Variants in NAV2 observed in about 807,000 individuals in gnomAD.
The protein encoded by NAV2 is helicase, APC down-regulated 1.
A neutral mutation model predicts 223.2 loss-of-function variants in NAV2; 54 were observed. The observed-to-expected ratio is 0.24, with a 90% CI of 0.19 to 0.30. The LOEUF (loss-of-function observed/expected upper bound fraction) is 0.30. Among genes scored for constraint, NAV2 ranks in the 10% least tolerant of loss-of-function variants. The pLI, the probability that NAV2 is intolerant of heterozygous loss-of-function variation, is 1.00. For synonymous variants in NAV2, 1,279 were observed against 1,239.3 expected, an observed-to-expected ratio of 1.03 and a Z score of -0.67; for missense variants, 2,806 against 3,147.5, an observed-to-expected ratio of 0.89 and a Z score of 2.60.
intron 1 of NAV2, among the ~76,000 whole-genome samples, chr11:19,618,382 ATGGATGGATGG>A (rs2046865603): frequency 2.0e-5 from 2 of 101,402 alleles, no homozygotes; most frequent in African/African-American, 4.0e-5. Flanking sequence ...GGATGGATGG[ATGGATGGATGG>A]ATGAATAGAT....
intron 1 of NAV2, chr11:19,778,124 C>T (rs1469434924): frequency 2.6e-6 from 1 of 390,602 alleles, no homozygotes; most frequent in Non-Finnish European, 5.1e-6. Flanking sequence ...CCCGGGAGAG[C>T]TGAGGATAGC....
chr11:19,528,464 G>A (rs2043912757), intron 1 of NAV2, among the ~76,000 whole-genome samples: 1 of 152,094 alleles, frequency 6.6e-6, no homozygotes, highest in Admixed American at 6.5e-5. Flanking sequence ...CACACTGTCT[G>A]ACTTCCAAAG....
At chr11:19,696,135 C>T (rs953939443) in intron 1 of NAV2, among the ~76,000 whole-genome samples, 3 of 151,276 alleles carry the variant, frequency 2.0e-5, no homozygotes, top group Non-Finnish European at 2.9e-5. Context: ...CTGGTTTTTT[C>T]GGCAGCCTAC....
chr11:20,023,474 C>G (rs918790984), intron 11 of NAV2, among the ~76,000 whole-genome samples: 1 of 152,046 alleles, frequency 6.6e-6, no homozygotes, highest in Non-Finnish European at 1.5e-5. Context: ...CTACTGAGCC[C>G]GAAAATCTGG....
At chr11:19,414,350 G>A (rs1326174000) in intron 1 of NAV2, among the ~76,000 whole-genome samples, 2 of 151,932 alleles carry the variant, frequency 1.3e-5, no homozygotes, top group Non-Finnish European at 2.9e-5. Flanking sequence ...GAGAAAGAAG[G>A]GCATTACATA....
intron 1 of NAV2, among the ~76,000 whole-genome samples, chr11:19,692,408 A>C (rs1245752716): frequency 6.6e-6 from 1 of 152,234 alleles, no homozygotes; most frequent in Non-Finnish European, 1.5e-5. Flanking sequence ...TTGTAGCTTG[A>C]CGCTACCTAA....
Position 19,477,319 on chromosome 11 carries a change from C to T in NAV2, c.75+126292C>T, listed in dbSNP as rs139702677. Reference sequence around the variant, plus strand: ...TTTGCCACTTACATTACACCAAAACCTCCTAGAAGGCAGGGAGCTGCACTG... The same window carrying T: ...TTTGCCACTTACATTACACCAAAACTTCCTAGAAGGCAGGGAGCTGCACTG... On this transcript the variant is annotated intron_variant, in intron 1 of 37. Transcript: ENST00000360655. 8.5e-3 allele frequency among the ~76,000 whole-genome samples: 1,294 copies of T among 152,312 alleles called. 21 individuals carry two copies. The highest frequency in any genetic ancestry group is 0.03 in the African/African-American group (1,235 of 41,564).
intron 1 of NAV2, among the ~76,000 whole-genome samples, chr11:19,574,942 C>T (rs901570): frequency 0.99 from 150,583 of 152,238 alleles, 74,496 homozygotes; most frequent in Middle Eastern, 1. Flanking sequence ...GGTTTCCTGC[C>T]GAGGAAATAG....
intron 6 of NAV2, among the ~76,000 whole-genome samples, chr11:19,893,722 G>A (rs959938183): frequency 9.2e-5 from 14 of 152,254 alleles, no homozygotes; most frequent in East Asian, 7.7e-4. Context: ...TGGCACTAAC[G>A]CCATCACCAG....
At chr11:19,957,573 C>T (rs113428782) in intron 10 of NAV2, among the ~76,000 whole-genome samples, 2 of 152,312 alleles carry the variant, frequency 1.3e-5, no homozygotes, top group African/African-American at 2.4e-5. Flanking sequence ...CTGAACACCT[C>T]TTCTCCCTCC....
intron 1 of NAV2, among the ~76,000 whole-genome samples, chr11:19,761,822 G>A (rs570232966): frequency 2.0e-5 from 3 of 152,200 alleles, no homozygotes; most frequent in South Asian, 2.1e-4. Context: ...TCATGCTCCC[G>A]GTTTTCTCCT....
At position 20,118,113 on chromosome 11, in the gene NAV2, C is replaced by G. The variant is rs2063284506; in HGVS notation, c.7165-20C>G. 1 of 1,593,786 alleles carries G rather than the reference C, an allele frequency of 6.3e-7. No individual in the cohort carries two copies. The highest frequency in any genetic ancestry group is 1.7e-5 in the Admixed American group (1 of 59,372). On this transcript the variant is annotated intron_variant, in intron 37 of 37. Coordinates refer to ENST00000349880, the MANE Select transcript of NAV2 (RefSeq NM_145117.5). The stretch of plus-strand genomic sequence containing the variant: ...CCAACTAGACAGAAAGCAGCTCATG[C>G]TTCTCCACTCTTCCCCTAGATGAAC...
chr11:19,496,593 C>A (rs1169634483), intron 1 of NAV2, among the ~76,000 whole-genome samples: 1 of 152,180 alleles, frequency 6.6e-6, no homozygotes, highest in East Asian at 1.9e-4. Context: ...ATTTTATGAT[C>A]TAGCCTCCAA....
At chr11:19,848,682 T>C (rs142482026) in intron 3 of NAV2, among the ~76,000 whole-genome samples, 15 of 152,226 alleles carry the variant, frequency 9.9e-5, no homozygotes, top group Admixed American at 2.6e-4. Flanking sequence ...GGCACGTTGC[T>C]GGCCACAGAG....
intron 1 of NAV2, among the ~76,000 whole-genome samples, chr11:19,603,580 T>G (rs1305889311): frequency 6.8e-6 from 1 of 147,798 alleles, no homozygotes; most frequent in East Asian, 2.0e-4. Context: ...TGAGCCAAGA[T>G]TGCGCCACTG....
intron 1 of NAV2, among the ~76,000 whole-genome samples, chr11:19,672,499 C>T (rs548018118): frequency 6.6e-6 from 1 of 152,212 alleles, no homozygotes; most frequent in East Asian, 1.9e-4. Context: ...ATTTTCCACC[C>T]ATAAAGGGGG....
At chr11:19,934,353 G>A in intron 7 of NAV2, 76 bp downstream of exon 7, 2 of 1,464,880 alleles carry the variant, frequency 1.4e-6, no homozygotes, top group Non-Finnish European at 1.8e-6. Context: ...GGGTCTGTAA[G>A]GGCAGAAGCT....
chr11:19,593,811 T>C (rs923573925), intron 1 of NAV2, among the ~76,000 whole-genome samples: 1 of 152,210 alleles, frequency 6.6e-6, no homozygotes, highest in African/African-American at 2.4e-5. Flanking sequence ...GAACATTTTT[T>C]CACTGCTTAT....
chr11:19,895,088 CT>C (rs2041843526), intron 6 of NAV2, among the ~76,000 whole-genome samples: 1 of 133,658 alleles, frequency 7.5e-6, no homozygotes, highest in African/African-American at 2.7e-5. Flanking sequence ...TCTTTCTTTT[CT>C]TTTTCTTTTT....
Sources: gnomAD v4.1 joint callset for allele counts (sites outside exome capture counted in the v4.1 genomes callset) on GRCh38, gnomAD v4.1.1 for gene constraint, MANE v1.5 for transcripts, NCBI Gene and HGNC (gene_info 2026-07-23, HGNC 2026-07-21) for gene names.